Variants in DTNB observed in about 807,000 individuals in gnomAD.
DTNB encodes DTN-B.
In DTNB, 63 loss-of-function variants were observed where a neutral mutation model predicts 90.7. The observed-to-expected ratio is 0.69, with a 90% CI of 0.57 to 0.86. The LOEUF (loss-of-function observed/expected upper bound fraction) is 0.86, where lower values mean the gene tolerates loss of function less well. Among genes scored for constraint, DTNB ranks in the 40% least tolerant of loss-of-function variants. The pLI is 0.00. For synonymous variants in DTNB, 277 were observed against 286.7 expected (o/e 0.97, Z 0.34); for missense variants, 744 against 807.1 (o/e 0.92, Z 0.95).
rs779282350 is a variant in DTNB, at chr2:25,434,013, G to C, written c.1258-18C>G. ...GGACGAGTCTAAAGTGGGGAAGTCGGGAGAAAGTTTTTTTTTTTCTGATCC... is the reference window on the plus strand; with the variant it reads ...GGACGAGTCTAAAGTGGGGAAGTCGCGAGAAAGTTTTTTTTTTTCTGATCC... On this transcript the variant is annotated intron_variant, in intron 12 of 20. Coordinates refer to ENST00000406818, the MANE Select transcript of DTNB (RefSeq NM_021907.5). 7 of 1,587,864 alleles carry C rather than the reference G, an allele frequency of 4.4e-6. No individual in the cohort carries two copies. The highest frequency in any genetic ancestry group is 1.7e-4 in the Middle Eastern group (1 of 5,996).
intron 1 of DTNB, among the ~76,000 whole-genome samples, chr2:25,653,622 G>A (rs1303940584): frequency 2.0e-5 from 3 of 147,778 alleles, no homozygotes; most frequent in Non-Finnish European, 4.5e-5. Context: ...AGCAATTCTT[G>A]TGCCTCAGCC....
intron 6 of DTNB, among the ~76,000 whole-genome samples, chr2:25,585,316 C>T (rs2062183171): frequency 1.3e-5 from 2 of 152,148 alleles, no homozygotes; most frequent in Non-Finnish European, 2.9e-5. Flanking sequence ...CATTTCTAAT[C>T]CTTTTAACAG....
chr2:25,555,372 TTGATA>T (rs1412978468), intron 8 of DTNB, among the ~76,000 whole-genome samples: 5 of 151,710 alleles, frequency 3.3e-5, no homozygotes, highest in African/African-American at 9.7e-5. Context: ...TTCTATATGC[TTGATA>T]TATTTCATAA....
chr2:25,427,238 T>A (rs535506075), intron 15 of DTNB, among the ~76,000 whole-genome samples: 2 of 150,286 alleles, frequency 1.3e-5, no homozygotes, highest in South Asian at 4.2e-4. Context: ...TTTAAGTAGT[T>A]GAGAAATATT....
chr2:25,622,529 C>T (rs1169956557), intron 4 of DTNB, among the ~76,000 whole-genome samples: 1 of 152,046 alleles, frequency 6.6e-6, no homozygotes, highest in Non-Finnish European at 1.5e-5. Context: ...TTTATAATGG[C>T]CAGAAATGTC....
chr2:25,433,860 C>T (rs1471663910), intron 13 of DTNB, 50 bp downstream of exon 13: 1 of 1,593,448 alleles, frequency 6.3e-7, no homozygotes, highest in South Asian at 1.1e-5. Flanking sequence ...ATCAGATACG[C>T]ACGTGATAAT....
chr2:25,577,170 T>C (rs1469690596), intron 7 of DTNB, among the ~76,000 whole-genome samples, 166 bp from the exon 8 acceptor site: 1 of 152,182 alleles, frequency 6.6e-6, no homozygotes, highest in Non-Finnish European at 1.5e-5. Context: ...TGCGGTGGCT[T>C]GCCCTTGTAA....
chr2:25,458,731 A>G (rs550965550), intron 10 of DTNB, among the ~76,000 whole-genome samples: 1 of 151,900 alleles, frequency 6.6e-6, no homozygotes, highest in South Asian at 2.1e-4. Context: ...TGCAAGCTCT[A>G]CCTCCCGGGT....
At chr2:25,659,559 G>C (rs1361892482) in intron 1 of DTNB, among the ~76,000 whole-genome samples, 1 of 151,506 alleles carries the variant, frequency 6.6e-6, no homozygotes, top group Non-Finnish European at 1.5e-5. Context: ...TAATGAAAGA[G>C]GGGAAGTTAT....
At chr2:25,557,771 G>T (rs2057602592) in intron 8 of DTNB, among the ~76,000 whole-genome samples, 1 of 152,186 alleles carries the variant, frequency 6.6e-6, no homozygotes, top group African/African-American at 2.4e-5. Context: ...AAAAAATTGA[G>T]ACAGGGGTAA....
At chr2:25,526,395 A>ATATATATATATTTTTTT in intron 9 of DTNB, among the ~76,000 whole-genome samples, 9 of 49,824 alleles carry the variant, frequency 1.8e-4, no homozygotes, top group East Asian at 7.6e-4. Context: ...ATATATATAT[A>ATATATATATATTTTTTT]TTTTTTTTTT....
chr2:25,472,649 C>T (rs950922522), intron 10 of DTNB, among the ~76,000 whole-genome samples: 1 of 152,076 alleles, frequency 6.6e-6, no homozygotes, highest in Non-Finnish European at 1.5e-5. Flanking sequence ...TTTTGGAGGC[C>T]GAGGTAGGTA....
intron 9 of DTNB, among the ~76,000 whole-genome samples, chr2:25,531,232 G>A (rs917573692): frequency 6.6e-6 from 1 of 152,166 alleles, no homozygotes; most frequent in African/African-American, 2.4e-5. Context: ...TCTTCAATGG[G>A]CTCATGTTTC....
chr2:25,666,198 CAAGTAAATCAT>C (rs2084399115), intron 1 of DTNB, among the ~76,000 whole-genome samples: 1 of 152,064 alleles, frequency 6.6e-6, no homozygotes, highest in East Asian at 1.9e-4. Flanking sequence ...AGTGAATTAA[CAAGTAAATCAT>C]ATACATCTGT....
intron 19 of DTNB, among the ~76,000 whole-genome samples, chr2:25,382,840 C>T (rs965734854): frequency 5.9e-5 from 9 of 151,950 alleles, no homozygotes; most frequent in South Asian, 2.1e-4. Flanking sequence ...AAATCTCTGC[C>T]GTTTAACAGC....
At chr2:25,439,790 A>G (rs889953845) in intron 12 of DTNB, among the ~76,000 whole-genome samples, 3 of 152,172 alleles carry the variant, frequency 2.0e-5, no homozygotes, top group Non-Finnish European at 4.4e-5. Flanking sequence ...GAGAGGATTT[A>G]ATGATATAAT....
intron 9 of DTNB, among the ~76,000 whole-genome samples, chr2:25,501,117 GTTA>G (rs1276899970): frequency 1.3e-5 from 2 of 152,050 alleles, no homozygotes; most frequent in African/African-American, 4.8e-5. Context: ...GAAAACCATA[GTTA>G]TTGAGACAAA....
chr2:25,646,922 A>G (rs2079589823), intron 2 of DTNB, among the ~76,000 whole-genome samples: 1 of 152,252 alleles, frequency 6.6e-6, no homozygotes, highest in Non-Finnish European at 1.5e-5. Flanking sequence ...AACAGAAAAT[A>G]TGAAATATAT....
At chr2:25,604,509 T>G (rs2066646317) in intron 5 of DTNB, among the ~76,000 whole-genome samples, 1 of 152,046 alleles carries the variant, frequency 6.6e-6, no homozygotes, top group Non-Finnish European at 1.5e-5. Flanking sequence ...TAGCCTCAAG[T>G]GATCCTCCTG....
Sources: gnomAD v4.1 joint callset for allele counts (sites outside exome capture counted in the v4.1 genomes callset) on GRCh38, gnomAD v4.1.1 for gene constraint, MANE v1.5 for transcripts, NCBI Gene and HGNC (gene_info 2026-07-23, HGNC 2026-07-21) for gene names.